Variants in MAP2K3 observed in about 807,000 individuals in gnomAD.
MAP2K3 encodes dual specificity mitogen-activated protein kinase kinase 3.
A neutral mutation model predicts 46.4 loss-of-function variants in MAP2K3; 30 were observed. That is an observed-to-expected ratio of 0.65 (90% CI 0.48 to 0.88). MAP2K3 has a LOEUF of 0.88. Ranked by LOEUF, MAP2K3 falls within the 40% of genes least tolerant of loss-of-function variation. The pLI is 0.00. For synonymous variants in MAP2K3, 189 were observed against 176.3 expected, an observed-to-expected ratio of 1.07 and a Z score of -0.57; for missense variants, 380 against 464.5, an observed-to-expected ratio of 0.82 and a Z score of 1.67.
In MAP2K3 at chr17:21,284,751, TGCAGTCGCCGCCGCAGTCCTCGCC is replaced by T. The variant is rs1391644642; in HGVS notation, c.-155_-132del. On this transcript the variant is annotated 5_prime_UTR_variant, in exon 1 of 12. Transcript: ENST00000342679. Reference sequence around the variant, plus strand: ...CCGCCCGTCGCGGACTCGTCCTTGCTGCAGTCGCCGCCGCAGTCCTCGCCGCAGTCGCCGCCGCCGCCGCCGCCG... The same window carrying T: ...CCGCCCGTCGCGGACTCGTCCTTGCTGCAGTCGCCGCCGCCGCCGCCGCCG... 47 of 631,186 alleles carry T rather than the reference TGCAGTCGCCGCCGCAGTCCTCGCC, an allele frequency of 7.4e-5. 1 individual carries two copies. Among genetic ancestry groups the T allele is most frequent in the South Asian group, 4.1e-4 (15 of 36,314 alleles). 39.1% of individuals were successfully genotyped at this position (631,186 alleles called of 1,614,324 possible).
At chr17:21,285,988 A>G (rs1037989613) in intron 1 of MAP2K3, among the ~76,000 whole-genome samples, 2 of 152,150 alleles carry the variant, frequency 1.3e-5, no homozygotes, top group Non-Finnish European at 2.9e-5. Context: ...CAAACCGGAC[A>G]TAGCCGTAAT....
chr17:21,298,995 A>G, intron 3 of MAP2K3, 69 bp downstream of exon 3: 2 of 1,608,690 alleles, frequency 1.2e-6, no homozygotes, highest in Non-Finnish European at 1.7e-6. Context: ...CTGACCCTGC[A>G]GGGCCACTTT....
chr17:21,291,780 G>A (rs1266159561), intron 1 of MAP2K3: 191 of 362,660 alleles, frequency 5.3e-4, no homozygotes, highest in African/African-American at 3.3e-3. Flanking sequence ...CCCATCTTAG[G>A]AGTGAGTAAA....
chr17:21,296,129 G>C (rs1043903872), intron 1 of MAP2K3: 4 of 1,289,612 alleles, frequency 3.1e-6, no homozygotes, highest in Non-Finnish European at 4.0e-6. Flanking sequence ...GGCCACAACA[G>C]GTCCCCATCT....
chr17:21,301,256 A>G (rs1341449558), intron 5 of MAP2K3, among the ~76,000 whole-genome samples: 4 of 152,290 alleles, frequency 2.6e-5, no homozygotes, highest in African/African-American at 9.6e-5. Context: ...ATTCAGCTGC[A>G]CTCAGTTCTG....
intron 3 of MAP2K3, among the ~76,000 whole-genome samples, 179 bp downstream of exon 3, chr17:21,299,105 C>T (rs1281694304): frequency 2.0e-5 from 3 of 152,286 alleles, no homozygotes; most frequent in African/African-American, 7.2e-5. Context: ...CTCTTTGACC[C>T]TCCTGGTGGG....
At chr17:21,296,075 C>T (rs76150831) in intron 1 of MAP2K3, 1 of 1,278,346 alleles carries the variant, frequency 7.8e-7, no homozygotes, top group Non-Finnish European at 1.0e-6. Flanking sequence ...TTTTTTTTTT[C>T]ACCTCTGCAG....
chr17:21,299,034 G>C (rs1976437693), intron 3 of MAP2K3, 108 bp downstream of exon 3: 3 of 1,522,680 alleles, frequency 2.0e-6, no homozygotes, highest in South Asian at 2.2e-5. Context: ...GGTCAGAGAG[G>C]GTCAGGCTCT....
intron 1 of MAP2K3, among the ~76,000 whole-genome samples, chr17:21,286,687 A>G (rs1171512640): frequency 6.6e-6 from 1 of 152,254 alleles, no homozygotes; most frequent in Non-Finnish European, 1.5e-5. Context: ...TTAGCTCTCC[A>G]GGCAGAGAAT....
chr17:21,300,568 C>T lies in MAP2K3; in HGVS notation c.189C>T (p.Asp63=), dbSNP rs766322527. ...AGAACTTTGAGGTGGAGGCTGATGA[C>T]TTGGTGACCATCTCAGAACTGGGCC... ...GDRNFEVEAD[D]LVTISELGRG... Residue 63 remains aspartate (D), a synonymous_variant, in exon 4 of 12, where the codon GAC becomes GAT. Coordinates refer to ENST00000342679, the MANE Select transcript of MAP2K3 (RefSeq NM_145109.3). 4 of 1,612,386 alleles carry T rather than the reference C, an allele frequency of 2.5e-6. No individual in the cohort carries two copies. The African/African-American group carries it at 4.0e-5, about 16-fold the overall frequency.
chr17:21,310,479 A>C (rs1266351265), intron 9 of MAP2K3, among the ~76,000 whole-genome samples: 4 of 152,026 alleles, frequency 2.6e-5, no homozygotes, highest in Non-Finnish European at 5.9e-5. Flanking sequence ...GATGAAACAG[A>C]GTCGGGAGAG....
At chr17:21,301,777 C>T (rs1387678048) in intron 5 of MAP2K3, among the ~76,000 whole-genome samples, 5 of 152,312 alleles carry the variant, frequency 3.3e-5, no homozygotes, top group Admixed American at 6.5e-5. Context: ...CCAGGGTCAG[C>T]TGGCATGAGG....
rs1976376493 is a variant in MAP2K3, at chr17:21,298,285, G to T, written c.50-128G>T. 3 of 1,363,760 alleles carry T rather than the reference G, an allele frequency of 2.2e-6. No individual in the cohort carries two copies. The South Asian group carries it at 3.5e-5, about 16-fold the overall frequency. The allele number at this position is 1,363,760 out of a possible 1,614,324, so 84.5% of individuals were successfully genotyped here. On this transcript the variant is annotated intron_variant, in intron 1 of 11. Transcript: ENST00000342679. ...GGCCTAACGGCCTGGCTTGGAGAGAGGGGGCTCCCGGCATGGGTGATGGCA... is the reference window on the plus strand; with the variant it reads ...GGCCTAACGGCCTGGCTTGGAGAGATGGGGCTCCCGGCATGGGTGATGGCA...
intron 10 of MAP2K3, 146 bp downstream of exon 10, chr17:21,312,427 G>A: frequency 1.4e-6 from 1 of 740,650 alleles, no homozygotes; most frequent in Non-Finnish European, 2.0e-6. Context: ...AACAGCTGGA[G>A]CATGAGGAGC....
chr17:21,293,980 C>A (rs1335628271), intron 1 of MAP2K3, among the ~76,000 whole-genome samples: 144 of 152,368 alleles, frequency 9.5e-4, no homozygotes, highest in Middle Eastern at 3.4e-3. Context: ...GTGGCGTCTG[C>A]AGTACCTCAG....
At chr17:21,286,515 C>T (rs1446065266) in intron 1 of MAP2K3, among the ~76,000 whole-genome samples, 2 of 152,220 alleles carry the variant, frequency 1.3e-5, no homozygotes, top group Non-Finnish European at 2.9e-5. Flanking sequence ...GACCATTGCC[C>T]AACCACTGTG....
chr17:21,302,113 GC>G (rs1722826595), intron 5 of MAP2K3, 29 bp from the exon 6 acceptor site: 1 of 1,612,278 alleles, frequency 6.2e-7, no homozygotes, highest in African/African-American at 1.3e-5. Context: ...CAGCCCGGCA[GC>G]CTGGCTGAGC....
intron 3 of MAP2K3, among the ~76,000 whole-genome samples, chr17:21,299,276 A>G (rs1976453239): frequency 6.6e-6 from 1 of 152,426 alleles, no homozygotes; most frequent in East Asian, 1.9e-4. Context: ...TCACTCCCTC[A>G]GGCCAGCACC....
chr17:21,300,147 G>A (rs1976509297), intron 3 of MAP2K3, among the ~76,000 whole-genome samples: 1 of 152,308 alleles, frequency 6.6e-6, no homozygotes, highest in African/African-American at 2.4e-5. Flanking sequence ...CTTTTGTTTT[G>A]TTGTCACTGT....
Sources: gnomAD v4.1 joint callset for allele counts (sites outside exome capture counted in the v4.1 genomes callset) on GRCh38, gnomAD v4.1.1 for gene constraint, MANE v1.5 for transcripts, NCBI Gene and HGNC (gene_info 2026-07-23, HGNC 2026-07-21) for gene names.